Variants in CNTNAP2 observed in about 807,000 individuals in gnomAD.
CNTNAP2 encodes the protein contactin-associated protein-like 2.
In CNTNAP2, 98 loss-of-function variants were observed where a neutral mutation model predicts 155.2. The ratio of observed to expected loss-of-function variants is 0.63; its 90% CI spans 0.54 to 0.75. The LOEUF (loss-of-function observed/expected upper bound fraction) is 0.75, where lower values mean the gene tolerates loss of function less well. Among genes scored for constraint, CNTNAP2 ranks in the 30% least tolerant of loss-of-function variants. CNTNAP2 has a pLI of 0.00. For synonymous variants in CNTNAP2, 651 were observed against 631.2 expected (o/e 1.03, Z -0.47); for missense variants, 1,727 against 1,688.1 (o/e 1.02, Z -0.40).
intron 1 of CNTNAP2, among the ~76,000 whole-genome samples, chr7:146,426,385 GTATA>G (rs71794213): frequency 0.38 from 51,381 of 134,788 alleles, 10,082 homozygotes; most frequent in African/African-American, 0.51. Context: ...AAAACAAAAT[GTATA>G]TATATATATA....
intron 8 of CNTNAP2, among the ~76,000 whole-genome samples, chr7:147,209,212 C>A (rs936698425): frequency 1.3e-5 from 2 of 151,942 alleles, no homozygotes; most frequent in Admixed American, 6.6e-5. Context: ...AATATTAATT[C>A]TTCTAATTCA....
chr7:148,131,395 C>T (rs1804829184), intron 16 of CNTNAP2, among the ~76,000 whole-genome samples: 1 of 152,158 alleles, frequency 6.6e-6, no homozygotes, highest in Non-Finnish European at 1.5e-5. Flanking sequence ...CCACGCCCTG[C>T]CAACACTTTC....
intron 12 of CNTNAP2, among the ~76,000 whole-genome samples, chr7:147,594,727 T>C (rs1800797413): frequency 1.3e-5 from 2 of 152,180 alleles, no homozygotes; most frequent in Admixed American, 1.3e-4. Flanking sequence ...ATAGCAGTTT[T>C]AAAGGGAAGA....
chr7:147,840,429 A>G (rs1027623824), intron 13 of CNTNAP2, among the ~76,000 whole-genome samples: 1 of 152,182 alleles, frequency 6.6e-6, no homozygotes, highest in Non-Finnish European at 1.5e-5. Flanking sequence ...GAAGGAGCCT[A>G]TCTGCAGTTG....
chr7:147,429,637 C>A (rs2116525493), intron 10 of CNTNAP2, among the ~76,000 whole-genome samples: 1 of 152,070 alleles, frequency 6.6e-6, no homozygotes, highest in South Asian at 2.1e-4. Context: ...GATCTTTTTG[C>A]CTAAGCTATG....
chr7:148,088,984 A>T (rs1803789078), intron 15 of CNTNAP2, among the ~76,000 whole-genome samples: 1 of 152,004 alleles, frequency 6.6e-6, no homozygotes, highest in South Asian at 2.1e-4. Flanking sequence ...TTTATCCCAG[A>T]GATGCAAGGA....
intron 3 of CNTNAP2, among the ~76,000 whole-genome samples, chr7:147,042,905 T>A (rs1799286753): frequency 6.6e-6 from 1 of 152,140 alleles, no homozygotes; most frequent in Non-Finnish European, 1.5e-5. Context: ...GAAAAGAGAA[T>A]ATCTTCTAAA....
chr7:147,706,398 G>C (rs780613621), intron 13 of CNTNAP2, among the ~76,000 whole-genome samples: 1 of 151,644 alleles, frequency 6.6e-6, no homozygotes, highest in African/African-American at 2.4e-5. Flanking sequence ...ACTTTTCTGG[G>C]TATGTAATCC....
intron 3 of CNTNAP2, among the ~76,000 whole-genome samples, chr7:146,883,470 G>T (rs1795594462): frequency 6.6e-6 from 1 of 152,112 alleles, no homozygotes; most frequent in African/African-American, 2.4e-5. Flanking sequence ...GTGTGCACAT[G>T]CATATTTAAA....
intron 9 of CNTNAP2, among the ~76,000 whole-genome samples, chr7:147,349,657 C>T (rs1300741793): frequency 1.3e-5 from 2 of 151,852 alleles, no homozygotes; most frequent in African/African-American, 4.8e-5. Flanking sequence ...TATAAGAACT[C>T]TTCTCATTTG....
intron 8 of CNTNAP2, among the ~76,000 whole-genome samples, chr7:147,152,241 G>T (rs576580366): frequency 6.6e-6 from 1 of 151,916 alleles, no homozygotes; most frequent in Non-Finnish European, 1.5e-5. Context: ...TGATTCATTG[G>T]TTCTGTTCTC....
At chr7:147,371,044 G>A (rs1207657396) in intron 9 of CNTNAP2, among the ~76,000 whole-genome samples, 3 of 152,026 alleles carry the variant, frequency 2.0e-5, no homozygotes, top group South Asian at 4.1e-4. Context: ...TCAATGAATG[G>A]GTAATTTAAA....
chr7:147,143,648 C>T (rs1388155282), intron 8 of CNTNAP2, among the ~76,000 whole-genome samples: 2 of 151,784 alleles, frequency 1.3e-5, no homozygotes, highest in East Asian at 3.9e-4. Flanking sequence ...TTTATATAAA[C>T]CAAATTCATT....
chr7:147,825,650 G>A (rs1407230453), intron 13 of CNTNAP2, among the ~76,000 whole-genome samples: 6 of 152,082 alleles, frequency 3.9e-5, no homozygotes, highest in African/African-American at 1.2e-4. Flanking sequence ...CAAACACTGG[G>A]ATAATATCTT....
chr7:148,312,100 G>A (rs1165682816), intron 21 of CNTNAP2, among the ~76,000 whole-genome samples: 1 of 152,066 alleles, frequency 6.6e-6, no homozygotes, highest in Non-Finnish European at 1.5e-5. Flanking sequence ...TGATTTTTTG[G>A]GCCTCTAAAA....
intron 13 of CNTNAP2, among the ~76,000 whole-genome samples, chr7:147,717,145 C>T (rs933405982): frequency 2.0e-5 from 3 of 152,026 alleles, no homozygotes; most frequent in Admixed American, 6.6e-5. Flanking sequence ...ATCACCTTTC[C>T]TTTAGGTCCT....
intron 3 of CNTNAP2, among the ~76,000 whole-genome samples, chr7:146,885,127 G>A (rs1329667349): frequency 1.3e-5 from 2 of 152,038 alleles, no homozygotes; most frequent in Non-Finnish European, 2.9e-5. Flanking sequence ...TAGTTGTGTG[G>A]TTTCTTGGAA....
intron 1 of CNTNAP2, among the ~76,000 whole-genome samples, chr7:146,220,116 T>G (rs1484951451): frequency 6.6e-6 from 1 of 152,208 alleles, no homozygotes; most frequent in East Asian, 1.9e-4. Context: ...TTTTGCCTTT[T>G]CAAATGATGT....
intron 4 of CNTNAP2, among the ~76,000 whole-genome samples, chr7:147,077,393 G>T (rs1470510412): frequency 6.6e-6 from 1 of 151,948 alleles, no homozygotes; most frequent in Non-Finnish European, 1.5e-5. Flanking sequence ...TTTATTTAGT[G>T]GAAACAAAAG....
Sources: allele counts gnomAD v4.1 joint callset (sites outside exome capture counted in the v4.1 genomes callset), GRCh38; gene constraint gnomAD v4.1.1; transcripts MANE v1.5; gene names NCBI Gene and HGNC (gene_info 2026-07-23, HGNC 2026-07-21).